Variants in MEIKIN observed in about 807,000 individuals in gnomAD.
MEIKIN encodes meiosis-specific kinetochore protein.
chr5:131,828,743 T>G (rs2149605875), intron 11 of MEIKIN, among the ~76,000 whole-genome samples: 1 of 152,308 alleles, frequency 6.6e-6, no homozygotes, highest in African/African-American at 2.4e-5. Context: ...TTTCAAAGAA[T>G]CCATACCAGG....
intron 8 of MEIKIN, among the ~76,000 whole-genome samples, chr5:131,889,618 A>G (rs947323752): frequency 2.6e-5 from 4 of 152,190 alleles, no homozygotes; most frequent in African/African-American, 9.6e-5. Context: ...TGGGCTGAGA[A>G]GATGGGGTTT....
Position 131,871,523 on chromosome 5 carries a change from C to A in MEIKIN, c.774+7455G>T, listed in dbSNP as rs550326527. ...GGAAGCTCGAACTGGGTGGAGCCCA[C>A]CACAGCTCAAGGAGGCCTGCCTGCC... On this transcript the variant is annotated intron_variant, in intron 9 of 12. Coordinates refer to ENST00000442687, the MANE Select transcript of MEIKIN (RefSeq NM_001303622.2). 3.9e-5 allele frequency among the ~76,000 whole-genome samples: 6 copies of A among 152,366 alleles called. No homozygotes were observed. In the South Asian group the frequency reaches 1.2e-3, roughly 32 times the overall value.
intron 5 of MEIKIN, among the ~76,000 whole-genome samples, chr5:131,929,085 T>C (rs1287179367): frequency 1.3e-5 from 2 of 152,230 alleles, no homozygotes; most frequent in Non-Finnish European, 2.9e-5. Flanking sequence ...CTGTTGTTGG[T>C]TGATAATTTT....
chr5:131,945,399 C>G lies in MEIKIN; in HGVS notation c.106+1G>C. 1 of 399,168 alleles carries G rather than the reference C, an allele frequency of 2.5e-6. No homozygotes were observed. The highest frequency in any genetic ancestry group is 4.4e-6 in the Non-Finnish European group (1 of 226,180). 24.7% of individuals were successfully genotyped at this position (399,168 alleles called of 1,614,324 possible). ...ACGGTGGGCGAGCCTTGAGCCTGTA[C>G]CTGGCGGGGCCTCGGCCTTCGCTGG... On this transcript the variant is annotated splice_donor_variant, in intron 1 of 12. Coordinates refer to ENST00000442687, the MANE Select transcript of MEIKIN (RefSeq NM_001303622.2). LOFTEE classifies it high-confidence loss of function.
chr5:131,897,987 G>A, intron 8 of MEIKIN, among the ~76,000 whole-genome samples: 1 of 152,066 alleles, frequency 6.6e-6, no homozygotes, highest in South Asian at 2.1e-4. Context: ...GAGGTGCTCT[G>A]GTTTTTAGAA....
At chr5:131,833,579 G>C (rs918155651) in intron 11 of MEIKIN, among the ~76,000 whole-genome samples, 2 of 152,142 alleles carry the variant, frequency 1.3e-5, no homozygotes, top group African/African-American at 4.8e-5. Context: ...ATCATAACAG[G>C]AGGCGAAAAG....
chr5:131,877,874 G>T (rs1285317813), intron 9 of MEIKIN, among the ~76,000 whole-genome samples: 1 of 152,178 alleles, frequency 6.6e-6, no homozygotes, highest in African/African-American at 2.4e-5. Flanking sequence ...TAAACAATCT[G>T]TAAGTTTTAA....
chr5:131,927,451 G>C (rs951670570), intron 5 of MEIKIN, among the ~76,000 whole-genome samples: 1 of 152,172 alleles, frequency 6.6e-6, no homozygotes, highest in Non-Finnish European at 1.5e-5. Flanking sequence ...CTGTCAGGTA[G>C]AATGTTTTGT....
chr5:131,822,004 T>C (rs971670768), intron 11 of MEIKIN, among the ~76,000 whole-genome samples: 2 of 152,332 alleles, frequency 1.3e-5, no homozygotes, highest in Middle Eastern at 3.4e-3. Flanking sequence ...ACAATCATTA[T>C]ATGCTCTTAC....
intron 9 of MEIKIN, among the ~76,000 whole-genome samples, chr5:131,870,932 C>T (rs556972019): frequency 2.6e-5 from 4 of 152,182 alleles, no homozygotes; most frequent in African/African-American, 9.6e-5. Context: ...GCTTTAGATC[C>T]GGAAAGACCT....
At chr5:131,828,698 C>A (rs1749657256) in intron 11 of MEIKIN, among the ~76,000 whole-genome samples, 1 of 152,050 alleles carries the variant, frequency 6.6e-6, no homozygotes, top group Non-Finnish European at 1.5e-5. Flanking sequence ...CATGTTCTAC[C>A]ACATTATATA....
chr5:131,899,872 G>C (rs1409066339), intron 8 of MEIKIN, among the ~76,000 whole-genome samples: 5 of 152,138 alleles, frequency 3.3e-5, no homozygotes, highest in African/African-American at 1.2e-4. Flanking sequence ...AAAATTGCTG[G>C]AGATTGCAAC....
At chr5:131,807,351 T>C (rs1772865056) in intron 12 of MEIKIN, 93 bp from the exon 13 acceptor site, 2 of 396,476 alleles carry the variant, frequency 5.0e-6, no homozygotes, top group East Asian at 7.2e-5. Context: ...GAGCACTTAA[T>C]GCCCAGGTCA....
chr5:131,897,214 A>T (rs1399044310), intron 8 of MEIKIN, among the ~76,000 whole-genome samples: 1 of 152,122 alleles, frequency 6.6e-6, no homozygotes, highest in Non-Finnish European at 1.5e-5. Flanking sequence ...ATTAGCCCTC[A>T]CTCTCTTCTG....
chr5:131,908,679 A>C (rs2149642285), intron 8 of MEIKIN, among the ~76,000 whole-genome samples: 1 of 152,278 alleles, frequency 6.6e-6, no homozygotes, highest in African/African-American at 2.4e-5. Flanking sequence ...TTAAAAGAAA[A>C]ACTAAAGATT....
chr5:131,809,204 T>C (rs887892374), intron 12 of MEIKIN, among the ~76,000 whole-genome samples: 2 of 152,186 alleles, frequency 1.3e-5, no homozygotes, highest in African/African-American at 4.8e-5. Context: ...GCATATGATA[T>C]CCAGACTCAA....
At chr5:131,889,730 C>G (rs982280927) in intron 8 of MEIKIN, among the ~76,000 whole-genome samples, 1 of 152,152 alleles carries the variant, frequency 6.6e-6, no homozygotes, top group Non-Finnish European at 1.5e-5. Flanking sequence ...TGGCCCTGAC[C>G]AGAACTTCCA....
At chr5:131,835,035 C>T (rs1462143271) in intron 11 of MEIKIN, among the ~76,000 whole-genome samples, 1 of 151,980 alleles carries the variant, frequency 6.6e-6, no homozygotes, top group Non-Finnish European at 1.5e-5. Context: ...ATTTGAATTT[C>T]CCTGATTAGT....
chr5:131,901,480 A>G (rs1235295749), intron 8 of MEIKIN, among the ~76,000 whole-genome samples: 3 of 152,200 alleles, frequency 2.0e-5, no homozygotes, highest in Non-Finnish European at 1.5e-5. Context: ...TACAATTGCC[A>G]GCACCCTGCC....
Sources: allele counts gnomAD v4.1 joint callset (sites outside exome capture counted in the v4.1 genomes callset), GRCh38; gene constraint gnomAD v4.1.1; transcripts MANE v1.5; gene names NCBI Gene and HGNC (gene_info 2026-07-23, HGNC 2026-07-21).